The following OSBP2 variants were observed in gnomAD, a reference collection of about 807,000 sequenced individuals.
OSBP2 encodes oxysterol-binding protein 2.
In OSBP2, 66 loss-of-function variants were observed where a neutral mutation model predicts 96.0. That is an observed-to-expected ratio of 0.69 (90% CI 0.56 to 0.84). OSBP2 has a LOEUF of 0.84. Ranked by LOEUF, OSBP2 falls within the 40% of genes least tolerant of loss-of-function variation. The pLI is 0.00. For missense variants in OSBP2, 1,038 were observed against 1,222.7 expected (o/e 0.85, Z 2.25); for synonymous variants, 525 against 520.9 (o/e 1.01, Z -0.11).
At chr22:30,798,134 G>A (rs950518609) in intron 2 of OSBP2, among the ~76,000 whole-genome samples, 5 of 152,186 alleles carry the variant, frequency 3.3e-5, no homozygotes, top group African/African-American at 7.2e-5. Context: ...CCTAGTGGGT[G>A]TAAGGTGGTA....
rs562961797 is a variant in OSBP2, at chr22:30,796,501, A to ATTAT, written c.853+55151_853+55154dup. On this transcript the variant is annotated intron_variant, in intron 2 of 13. Transcript: ENST00000332585. ...GAACCATTGGGTTTAATTTTTTTTA[A>ATTAT]TTATTTATTTATTTATTTATTTGAA... 3.4e-3 allele frequency among the ~76,000 whole-genome samples: 508 copies of ATTAT among 151,580 alleles called. 2 individuals are homozygous for ATTAT. Among genetic ancestry groups the ATTAT allele is most frequent in the African/African-American group, 0.011 (451 of 41,334 alleles).
At chr22:30,782,318 C>G (rs1260747418) in intron 2 of OSBP2, among the ~76,000 whole-genome samples, 2 of 152,212 alleles carry the variant, frequency 1.3e-5, no homozygotes, top group Non-Finnish European at 2.9e-5. Flanking sequence ...CCTTCCACCT[C>G]CTGCAGACAA....
chr22:30,800,240 CAT>C (rs1315889533), intron 2 of OSBP2, among the ~76,000 whole-genome samples: 1 of 152,118 alleles, frequency 6.6e-6, no homozygotes, highest in African/African-American at 2.4e-5. Context: ...GGCAAGAACT[CAT>C]AGATTTTCTG....
At chr22:30,794,113 G>C (rs1186268338) in intron 2 of OSBP2, among the ~76,000 whole-genome samples, 3 of 151,412 alleles carry the variant, frequency 2.0e-5, no homozygotes, top group Admixed American at 2.0e-4. Context: ...TATAATCCAA[G>C]CACTTTGGGA....
chr22:30,760,825 G>GAA (rs796413958), intron 2 of OSBP2, among the ~76,000 whole-genome samples: 18 of 136,232 alleles, frequency 1.3e-4, no homozygotes, highest in Middle Eastern at 3.5e-3. Flanking sequence ...CTCAAAAAAA[G>GAA]AAAAAAAAAA....
At chr22:30,807,981 G>C (rs2090952633) in intron 2 of OSBP2, among the ~76,000 whole-genome samples, 1 of 152,082 alleles carries the variant, frequency 6.6e-6, no homozygotes, top group Admixed American at 6.5e-5. Flanking sequence ...GTTGAGACAA[G>C]GTCTTGCTGT....
At chr22:30,843,735 G>T (rs1286145008) in intron 2 of OSBP2, among the ~76,000 whole-genome samples, 1 of 152,072 alleles carries the variant, frequency 6.6e-6, no homozygotes, top group Non-Finnish European at 1.5e-5. Context: ...CAGCATGGTG[G>T]TGTGTGCCTG....
At chr22:30,875,506 G>T (rs1449209606) in intron 3 of OSBP2, among the ~76,000 whole-genome samples, 4 of 152,058 alleles carry the variant, frequency 2.6e-5, no homozygotes, top group Non-Finnish European at 2.9e-5. Flanking sequence ...CTGAGTAGCT[G>T]GGATTATAGG....
intron 2 of OSBP2, among the ~76,000 whole-genome samples, chr22:30,846,755 G>T (rs2038878868): frequency 1.3e-5 from 2 of 151,958 alleles, no homozygotes; most frequent in South Asian, 4.2e-4. Context: ...ATCTTTTATT[G>T]ATATTTCATC....
At chr22:30,893,063 G>A in intron 8 of OSBP2, 59 bp from the exon 9 acceptor site, 3 of 1,598,166 alleles carry the variant, frequency 1.9e-6, no homozygotes, top group East Asian at 2.2e-5. Flanking sequence ...CCTGGCTGGG[G>A]CAAGTGGAAC....
At chr22:30,842,528 G>C (rs1225421738) in intron 2 of OSBP2, 1 of 152,166 alleles carries the variant, frequency 6.6e-6, no homozygotes. Flanking sequence ...TCTGTGCCAT[G>C]TTTGATAGCA....
At chr22:30,697,034 G>A (rs1481424924) in intron 1 of OSBP2, among the ~76,000 whole-genome samples, 1 of 152,146 alleles carries the variant, frequency 6.6e-6, no homozygotes, top group African/African-American at 2.4e-5. Flanking sequence ...CACTGGCCCA[G>A]TAGACGGTAG....
chr22:30,742,656 T>A (rs2089955038), intron 2 of OSBP2, among the ~76,000 whole-genome samples: 1 of 152,226 alleles, frequency 6.6e-6, no homozygotes. Context: ...CCTGTCAATA[T>A]GTAAAAAGCC....
At chr22:30,902,392 T>A (rs959898016) in intron 12 of OSBP2, 2 of 1,570,666 alleles carry the variant, frequency 1.3e-6, no homozygotes, top group African/African-American at 2.7e-5. Flanking sequence ...TTAAGGAAGC[T>A]TGACATACGA....
intron 1 of OSBP2, among the ~76,000 whole-genome samples, chr22:30,701,626 A>T (rs746334212): frequency 1.3e-5 from 2 of 152,116 alleles, no homozygotes; most frequent in Admixed American, 6.6e-5. Flanking sequence ...TACAGGCGTG[A>T]GCCACCACGC....
At chr22:30,723,797 T>C (rs2089595335) in intron 1 of OSBP2, among the ~76,000 whole-genome samples, 1 of 152,162 alleles carries the variant, frequency 6.6e-6, no homozygotes, top group Non-Finnish European at 1.5e-5. Context: ...GGATTTCCCA[T>C]CTACTCTCTC....
At chr22:30,719,610 C>T (rs1192187820) in intron 1 of OSBP2, among the ~76,000 whole-genome samples, 1 of 151,542 alleles carries the variant, frequency 6.6e-6, no homozygotes, top group African/African-American at 2.4e-5. Context: ...CAAAATAAGC[C>T]GGGAGTGGTG....
chr22:30,813,800 CT>C (rs1019442401), intron 2 of OSBP2, among the ~76,000 whole-genome samples: 2 of 145,270 alleles, frequency 1.4e-5, no homozygotes, highest in South Asian at 2.1e-4. Context: ...TCCCAGATGA[CT>C]TTTTTTCTTT....
chr22:30,896,023 G>T (rs1025443509), intron 12 of OSBP2, among the ~76,000 whole-genome samples: 5 of 151,416 alleles, frequency 3.3e-5, no homozygotes, highest in African/African-American at 9.7e-5. Flanking sequence ...TTGTTTTTTT[G>T]TTGTTGTTTG....
Sources: allele counts gnomAD v4.1 joint callset (sites outside exome capture counted in the v4.1 genomes callset), GRCh38; gene constraint gnomAD v4.1.1; transcripts MANE v1.5; gene names NCBI Gene and HGNC (gene_info 2026-07-23, HGNC 2026-07-21).